DENND1B: variants seen among roughly 807,000 people sequenced by gnomAD.
DENND1B encodes DENN domain-containing protein 1B.
Under a neutral mutation model 90.1 loss-of-function variants are expected in DENND1B, and 59 were observed. The observed-to-expected ratio is 0.65, with a 90% CI of 0.53 to 0.81. The LOEUF (loss-of-function observed/expected upper bound fraction) is 0.81. Ranked by LOEUF, DENND1B falls within the 40% of genes least tolerant of loss-of-function variation. DENND1B has a pLI of 0.00. For synonymous variants in DENND1B, 337 were observed against 324.6 expected, an observed-to-expected ratio of 1.04 and a Z score of -0.41; for missense variants, 862 against 912.6, an observed-to-expected ratio of 0.94 and a Z score of 0.71.
chr1:197,760,867 T>G (rs1443388817), intron 2 of DENND1B, among the ~76,000 whole-genome samples: 1 of 152,300 alleles, frequency 6.6e-6, no homozygotes, highest in South Asian at 2.1e-4. Flanking sequence ...AATTAAAATT[T>G]TGTCTTTCAA....
At chr1:197,615,066 C>T (rs1677523710) in intron 11 of DENND1B, among the ~76,000 whole-genome samples, 1 of 151,008 alleles carries the variant, frequency 6.6e-6, no homozygotes, top group African/African-American at 2.4e-5. Flanking sequence ...TTATGTGTTG[C>T]CATCCATGGT....
chr1:197,579,840 C>G (rs754229561), intron 15 of DENND1B, among the ~76,000 whole-genome samples: 9 of 152,118 alleles, frequency 5.9e-5, no homozygotes, highest in Non-Finnish European at 1.2e-4. Context: ...TTACATGCTT[C>G]CTTAACAGAA....
intron 2 of DENND1B, among the ~76,000 whole-genome samples, chr1:197,763,909 T>C (rs1655396850): frequency 6.6e-6 from 1 of 152,196 alleles, no homozygotes; most frequent in Non-Finnish European, 1.5e-5. Flanking sequence ...TCAATTGCAT[T>C]TCATCTGTGC....
rs575051649 is a variant in DENND1B at position 197,733,911 on chromosome 1, C to T, written c.83-18837G>A. The T allele has an allele frequency of 2.6e-3, 591 of 230,948 alleles. 1 individual carries two copies. The highest frequency in any genetic ancestry group is 3.7e-3 in the Non-Finnish European group (521 of 140,378). The allele number at this position is 230,948 out of a possible 1,614,324, so 14.3% of individuals were successfully genotyped here. On this transcript the variant is annotated intron_variant, in intron 2 of 22. Transcript: ENST00000620048. ...GTATTTTACCAACATACAACCCCTT[C>T]CTCTATACGTGCTCTTAAAATAATA... is the stretch of plus-strand genomic sequence containing the variant.
Position 197,630,113 on chromosome 1 carries a change from C to T in DENND1B, c.673-12354G>A, listed in dbSNP as rs555478258. On this transcript the variant is annotated intron_variant, in intron 10 of 22. Coordinates refer to ENST00000620048, the MANE Select transcript of DENND1B (RefSeq NM_001195215.2). ...TTTATGGTGGGAATACAAAATGGTA[C>T]AGCCACTCTGGAAGACATTTTGGTG... 2.6e-5 allele frequency among the ~76,000 whole-genome samples: 4 copies of T among 152,212 alleles called. No individual in the cohort carries two copies. In the East Asian group the frequency reaches 7.7e-4, roughly 29 times the overall value.
At position 197,510,155 on chromosome 1, in the gene DENND1B, A is replaced by AC. The variant is rs1334328739; in HGVS notation, c.*304dup. On this transcript the variant is annotated 3_prime_UTR_variant, in exon 23 of 23. Coordinates refer to ENST00000620048, the MANE Select transcript of DENND1B (RefSeq NM_001195215.2). ...TAGCTACTGGTTATGTGCATGGGTT[A>AC]CATATGCATTCTTAGCTTAAATAAA... 4.1e-5 allele frequency: 13 copies of AC among 316,116 alleles called. No homozygotes were observed. The highest frequency in any genetic ancestry group is 2.6e-4 in the African/African-American group (12 of 45,696). The allele number at this position is 316,116 out of a possible 1,614,324, so 19.6% of individuals were successfully genotyped here.
At chr1:197,691,757 A>C (rs1158939935) in intron 3 of DENND1B, among the ~76,000 whole-genome samples, 1 of 151,964 alleles carries the variant, frequency 6.6e-6, no homozygotes, top group Non-Finnish European at 1.5e-5. Flanking sequence ...ATATACATAC[A>C]ATGGAAAATT....
Position 197,646,240 on chromosome 1 carries a change from CTT to C in DENND1B, c.508-499_508-498del, listed in dbSNP as rs1400131507. The stretch of plus-strand genomic sequence containing the variant: ...TTCTATGGTAAGTCACAAGAAATCT[CTT>C]TTGTAAACATCAACCACCCTATTAT... On this transcript the variant is annotated intron_variant, in intron 8 of 22. Coordinates refer to ENST00000620048, the MANE Select transcript of DENND1B (RefSeq NM_001195215.2). Among the ~76,000 whole-genome samples the C allele has an allele frequency of 2.6e-5, 4 of 151,808 alleles. No individual in the cohort carries two copies. In the East Asian group the frequency reaches 7.7e-4, roughly 29 times the overall value.
chr1:197,562,813 C>T (rs1451736142), intron 15 of DENND1B, among the ~76,000 whole-genome samples: 1 of 151,878 alleles, frequency 6.6e-6, no homozygotes, highest in Non-Finnish European at 1.5e-5. Flanking sequence ...GTTGTGGATG[C>T]AAAGGAAAAG....
intron 2 of DENND1B, among the ~76,000 whole-genome samples, chr1:197,725,038 A>T (rs1413843102): frequency 6.6e-6 from 1 of 152,132 alleles, no homozygotes. Context: ...ATAATGGAAG[A>T]GGGAAGAAAA....
intron 20 of DENND1B, among the ~76,000 whole-genome samples, chr1:197,525,456 A>G (rs570580798): frequency 1.3e-5 from 2 of 152,090 alleles, no homozygotes; most frequent in Non-Finnish European, 2.9e-5. Flanking sequence ...CAGGGTTTCA[A>G]TATTTCAACA....
At position 197,706,748 on chromosome 1, in the gene DENND1B, T is replaced by G. The variant is rs112741086; in HGVS notation, c.126+8283A>C. ...AGTTATCATCTCACCCCAGTTACAA[T>G]AGTTATCATCAAAGAGACAAAAACT... On this transcript the variant is annotated intron_variant, in intron 3 of 22. Coordinates refer to ENST00000620048, the MANE Select transcript of DENND1B (RefSeq NM_001195215.2). Among the ~76,000 whole-genome samples the G allele has an allele frequency of 3.7e-3, 566 of 152,236 alleles. 3 individuals carry two copies. The highest frequency in any genetic ancestry group is 0.014 in the Middle Eastern group (4 of 294).
chr1:197,619,076 T>C (rs532059522), intron 10 of DENND1B, among the ~76,000 whole-genome samples: 1 of 151,374 alleles, frequency 6.6e-6, no homozygotes, highest in South Asian at 2.1e-4. Flanking sequence ...CAGTTTTGTA[T>C]GGCAAATAAT....
intron 6 of DENND1B, among the ~76,000 whole-genome samples, chr1:197,655,227 C>A (rs1289617465): frequency 6.6e-6 from 1 of 152,154 alleles, no homozygotes; most frequent in Non-Finnish European, 1.5e-5. Context: ...GTCACAATAG[C>A]TGGATATTAG....
At chr1:197,556,539 A>G (rs1245133704) in intron 15 of DENND1B, among the ~76,000 whole-genome samples, 1 of 152,014 alleles carries the variant, frequency 6.6e-6, no homozygotes, top group African/African-American at 2.4e-5. Context: ...ATTTGAGGAC[A>G]AGGACCATAC....
intron 10 of DENND1B, among the ~76,000 whole-genome samples, chr1:197,618,542 A>G (rs1370865553): frequency 6.6e-6 from 1 of 151,168 alleles, no homozygotes; most frequent in Non-Finnish European, 1.5e-5. Context: ...TTAATTAAAC[A>G]TTTTTTAGTA....
chr1:197,601,734 G>GATCA lies in DENND1B; in HGVS notation c.921+5335_921+5338dup, dbSNP rs199782608. 2.6e-4 allele frequency among the ~76,000 whole-genome samples: 39 copies of GATCA among 151,738 alleles called. No homozygotes were observed. In the East Asian group the frequency reaches 7.4e-3, roughly 29 times the overall value. On this transcript the variant is annotated intron_variant, in intron 13 of 22. Coordinates refer to ENST00000620048, the MANE Select transcript of DENND1B (RefSeq NM_001195215.2). ...TAAAGGGGGGTATTACCAAAGCCTGGATCATTGCTGTGGGAAAGCCAGGTT... is the reference window on the plus strand; with the variant it reads ...TAAAGGGGGGTATTACCAAAGCCTGGATCAATCATTGCTGTGGGAAAGCCAGGTT...
Position 197,511,728 on chromosome 1 carries a change from C to T in DENND1B, c.1815G>A (p.Thr605=), listed in dbSNP as rs1439004181. 6 of 1,591,696 alleles carry T rather than the reference C, an allele frequency of 3.8e-6. No homozygotes were observed. The highest frequency in any genetic ancestry group is 1.7e-4 in the Middle Eastern group (1 of 5,920). ...RSMDDIDYKP[T]NKSNAPSENN... ...TATAAGTAAAAAAAAATCTACTAAC[C>T]GTAGGTTTGTAATCAATGTCATCCA... The change falls in exon 22 of 23, where the codon ACG becomes ACA. Residue 605 remains threonine, a splice_region_variant and synonymous_variant. Transcript: ENST00000620048.
intron 15 of DENND1B, among the ~76,000 whole-genome samples, chr1:197,562,908 G>A (rs771638742): frequency 1.3e-5 from 2 of 151,910 alleles, no homozygotes; most frequent in African/African-American, 2.4e-5. Context: ...GATGGAGAAC[G>A]TTTGAGTGGT....
Sources: gnomAD v4.1 joint callset for allele counts (sites outside exome capture counted in the v4.1 genomes callset) on GRCh38, gnomAD v4.1.1 for gene constraint, MANE v1.5 for transcripts, NCBI Gene and HGNC (gene_info 2026-07-23, HGNC 2026-07-21) for gene names.